The following PIP5K1B variants were observed in gnomAD, a reference collection of about 807,000 sequenced individuals.
PIP5K1B encodes the protein phosphatidylinositol-4-phosphate 5-kinase type 1 beta.
A neutral mutation model predicts 67.0 loss-of-function variants in PIP5K1B; 42 were observed. The observed-to-expected ratio is 0.63, with a 90% confidence interval of 0.49 to 0.81. The LOEUF is 0.81. PIP5K1B is among the 30% of genes least tolerant of loss of function. The pLI is 0.00. For synonymous variants in PIP5K1B, 214 were observed against 231.4 expected, an observed-to-expected ratio of 0.92 and a Z score of 0.68; for missense variants, 459 against 646.3, an observed-to-expected ratio of 0.71 and a Z score of 3.14.
At chr9:68,852,092 T>G (rs1358094299) in intron 4 of PIP5K1B, among the ~76,000 whole-genome samples, 5 of 152,098 alleles carry the variant, frequency 3.3e-5, no homozygotes, top group Non-Finnish European at 7.3e-5. Flanking sequence ...GGGAGAGCAT[T>G]AGGACAAATA....
intron 14 of PIP5K1B, among the ~76,000 whole-genome samples, chr9:68,963,569 AG>A (rs1828864604): frequency 6.6e-6 from 1 of 152,102 alleles, no homozygotes; most frequent in South Asian, 2.1e-4. Context: ...GCAGTTGCAT[AG>A]GTCACATGAC....
intron 4 of PIP5K1B, among the ~76,000 whole-genome samples, chr9:68,851,020 A>G (rs1378686528): frequency 1.3e-5 from 2 of 152,198 alleles, no homozygotes; most frequent in Admixed American, 1.3e-4. Flanking sequence ...TTTTTAGGGC[A>G]ATTAAGTGTC....
chr9:68,788,417 C>T, intron 2 of PIP5K1B: 1 of 591,210 alleles, frequency 1.7e-6, no homozygotes, highest in Non-Finnish European at 3.0e-6. Flanking sequence ...AAATAGCCAG[C>T]TGCTGCATCT....
intron 14 of PIP5K1B, among the ~76,000 whole-genome samples, chr9:68,953,134 T>A (rs1195467798): frequency 6.6e-6 from 1 of 152,110 alleles, no homozygotes; most frequent in Non-Finnish European, 1.5e-5. Context: ...GTCTTCCAAT[T>A]TTCTCTACTT....
At chr9:68,855,510 A>G (rs1193011267) in intron 4 of PIP5K1B, among the ~76,000 whole-genome samples, 2 of 152,228 alleles carry the variant, frequency 1.3e-5, no homozygotes, top group African/African-American at 2.4e-5. Context: ...CTGCTCCAAA[A>G]TAGGTACCAT....
chr9:68,988,988 G>A (rs976752311), intron 14 of PIP5K1B, among the ~76,000 whole-genome samples: 12 of 149,880 alleles, frequency 8.0e-5, no homozygotes, highest in South Asian at 2.1e-4. Flanking sequence ...CCAGCTGCTC[G>A]AGAGGCTGAG....
At chr9:68,866,640 A>G (rs1196691154) in intron 5 of PIP5K1B, among the ~76,000 whole-genome samples, 1 of 152,220 alleles carries the variant, frequency 6.6e-6, no homozygotes, top group Non-Finnish European at 1.5e-5. Context: ...TTACAAATCA[A>G]CCCTTTCTCT....
At chr9:68,825,270 G>A (rs1362678265) in intron 4 of PIP5K1B, among the ~76,000 whole-genome samples, 12 of 152,152 alleles carry the variant, frequency 7.9e-5, no homozygotes, top group African/African-American at 2.4e-4. Flanking sequence ...TTCAGACAAG[G>A]TGGATAAGTA....
At chr9:68,997,714 G>A (rs558245869) in intron 15 of PIP5K1B, among the ~76,000 whole-genome samples, 3 of 152,278 alleles carry the variant, frequency 2.0e-5, no homozygotes, top group South Asian at 2.1e-4. Context: ...CCCATTGCCC[G>A]AGTCTCACAG....
chr9:68,999,810 A>G (rs778752841), intron 15 of PIP5K1B, among the ~76,000 whole-genome samples: 5 of 152,218 alleles, frequency 3.3e-5, no homozygotes, highest in Non-Finnish European at 7.3e-5. Context: ...CAAGCCCTCT[A>G]CTGCCACCTA....
intron 11 of PIP5K1B, among the ~76,000 whole-genome samples, chr9:68,920,250 AT>A (rs1318821854): frequency 1.3e-5 from 2 of 151,568 alleles, no homozygotes; most frequent in Admixed American, 6.6e-5. Context: ...AAAAAAATGC[AT>A]TTCAGTGTTC....
chr9:68,929,163 TAAAAA>T (rs60505568), intron 12 of PIP5K1B, among the ~76,000 whole-genome samples: 2 of 101,470 alleles, frequency 2.0e-5, no homozygotes, highest in Non-Finnish European at 3.9e-5. Context: ...AGACTCTATC[TAAAAA>T]AAAAAAAAAA....
intron 14 of PIP5K1B, among the ~76,000 whole-genome samples, chr9:68,955,760 T>C (rs1435329638): frequency 1.3e-5 from 2 of 152,224 alleles, no homozygotes; most frequent in Non-Finnish European, 2.9e-5. Flanking sequence ...TTATGTAGTA[T>C]TTTACTGTAT....
intron 2 of PIP5K1B, among the ~76,000 whole-genome samples, chr9:68,761,425 A>G (rs1189195895): frequency 3.1e-4 from 47 of 152,106 alleles, no homozygotes; most frequent in Non-Finnish European, 1.5e-5. Context: ...TCTGAGGTGA[A>G]ATTTCCTATA....
chr9:68,754,766 T>A (rs1019844961), intron 2 of PIP5K1B, among the ~76,000 whole-genome samples: 2 of 152,230 alleles, frequency 1.3e-5, no homozygotes, highest in African/African-American at 4.8e-5. Context: ...AGAAAGATAT[T>A]AAAATAACAG....
intron 7 of PIP5K1B, among the ~76,000 whole-genome samples, chr9:68,889,594 G>C (rs1208086292): frequency 6.6e-6 from 1 of 152,042 alleles, no homozygotes; most frequent in Non-Finnish European, 1.5e-5. Flanking sequence ...AATTAGCCAG[G>C]CGTGGTGGTG....
chr9:68,950,123 G>C (rs958521848), intron 14 of PIP5K1B, among the ~76,000 whole-genome samples: 1 of 152,210 alleles, frequency 6.6e-6, no homozygotes, highest in Non-Finnish European at 1.5e-5. Context: ...CTGCTTCCCA[G>C]TGTGGTTCCT....
At chr9:68,945,564 A>C (rs1373918791) in intron 14 of PIP5K1B, among the ~76,000 whole-genome samples, 2 of 152,236 alleles carry the variant, frequency 1.3e-5, no homozygotes, top group African/African-American at 4.8e-5. Context: ...TCCTACTTCA[A>C]ACCACCAATA....
At chr9:68,944,810 T>C (rs10123076) in intron 14 of PIP5K1B, among the ~76,000 whole-genome samples, 145,058 of 152,298 alleles carry the variant, frequency 0.95, 69,503 homozygotes, top group East Asian at 1. Context: ...CTAAGGTTTA[T>C]AGACATGCAA....
Sources: allele counts gnomAD v4.1 joint callset (sites outside exome capture counted in the v4.1 genomes callset), GRCh38; gene constraint gnomAD v4.1.1; transcripts MANE v1.5; gene names NCBI Gene and HGNC (gene_info 2026-07-23, HGNC 2026-07-21).